The following ZNF621 variants were observed in gnomAD, a reference collection of about 807,000 sequenced individuals.
The protein encoded by ZNF621 is zinc finger protein 621.
Under a neutral mutation model 12.7 loss-of-function variants are expected in ZNF621, and 6 were observed. The ratio of observed to expected loss-of-function variants is 0.47; its 90% CI spans 0.26 to 0.93. The LOEUF is 0.93. Ranked by LOEUF, ZNF621 falls within the 40% of genes least tolerant of loss-of-function variation. The pLI is 0.15. For missense variants in ZNF621, 474 were observed against 524.0 expected (o/e 0.90, Z 0.93); for synonymous variants, 156 against 190.3 (o/e 0.82, Z 1.48).
rs1698902996 is a variant in ZNF621 at position 40,537,712 on chromosome 3, T to C, written c.*4622T>C. 6.2e-6 allele frequency: 1 copy of C among 161,192 alleles called. No homozygotes were observed. Among genetic ancestry groups the C allele is most frequent in the Non-Finnish European group, 1.3e-5 (1 of 74,790 alleles). 10.0% of individuals were successfully genotyped at this position (161,192 alleles called of 1,614,324 possible). ...TCCAGAGCAAGGCCATAACTGCCATTGTATGAAGGCTGAGAGAAGTGAGGA... is the reference window on the plus strand; with the variant it reads ...TCCAGAGCAAGGCCATAACTGCCATCGTATGAAGGCTGAGAGAAGTGAGGA... On this transcript the variant is annotated 3_prime_UTR_variant, in exon 5 of 5. Transcript: ENST00000339296.
chr3:40,524,548 C>T (rs1698529815), upstream of ZNF621, among the ~76,000 whole-genome samples: 1 of 152,200 alleles, frequency 6.6e-6, no homozygotes, highest in Non-Finnish European at 1.5e-5. Flanking sequence ...AGCTGAGGAC[C>T]CAAGCAAGAT....
rs1045995791 is a variant in ZNF621, at chr3:40,537,033, C to T, written c.*3943C>T. The T allele has an allele frequency of 6.6e-6, 1 of 152,204 alleles. No homozygotes were observed. The highest frequency in any genetic ancestry group is 2.4e-5 in the African/African-American group (1 of 41,430). 9.4% of individuals were successfully genotyped at this position (152,204 alleles called of 1,614,324 possible). ...CTAACTGATGGTTCCCCATCTCTCT[C>T]CCTCTCCTCAGACCTCACTATTCTC... On this transcript the variant is annotated 3_prime_UTR_variant, in exon 5 of 5. Transcript: ENST00000339296.
rs1698808782 is a variant in ZNF621 at position 40,534,284 on chromosome 3, TG to T, written c.*1197del. 2 of 151,900 alleles carry T rather than the reference TG, an allele frequency of 1.3e-5. No individual in the cohort carries two copies. The highest frequency in any genetic ancestry group is 4.8e-5 in the African/African-American group (2 of 41,342). The allele number at this position is 151,900 out of a possible 1,614,324, so 9.4% of individuals were successfully genotyped here. ...TTAAGAAATAAAGGGAGCTGTGTAG[TG>T]GGTCAGTGGCTAGGTAGGTTAGTGA... On this transcript the variant is annotated 3_prime_UTR_variant, in exon 5 of 5. Coordinates refer to ENST00000339296, the MANE Select transcript of ZNF621 (RefSeq NM_198484.5).
chr3:40,529,258 A>G (rs1698660074), intron 2 of ZNF621, 61 bp from the exon 3 acceptor site: 1 of 1,584,562 alleles, frequency 6.3e-7, no homozygotes, highest in Admixed American at 1.7e-5. Flanking sequence ...CTGAAGCTCA[A>G]GCTGCTCCCT....
upstream of ZNF621, among the ~76,000 whole-genome samples, chr3:40,523,496 G>A (rs2125669393): frequency 6.6e-6 from 1 of 152,286 alleles, no homozygotes; most frequent in South Asian, 2.1e-4. Flanking sequence ...CGGGCGCGGT[G>A]GCTCACGCCT....
At position 40,532,580 on chromosome 3, in the gene ZNF621, A is replaced by C. The variant is rs61740750; in HGVS notation, c.810A>C (p.Lys270Asn). The change falls in exon 5 of 5, where the codon AAA becomes AAC. Residue 270 changes from lysine (K) to asparagine (N), a missense_variant. By Grantham distance (94) the Lys-to-Asn change is moderately conservative. Coordinates refer to ENST00000339296, the MANE Select transcript of ZNF621 (RefSeq NM_198484.5). ...TCTATAAATGTAAGGAATGTTGGAA[A>C]GCTTTCGGTTGTAGGTCACTTTTTA... ...EKLYKCKECW[K>N]AFGCRSLFIV... The C allele has an allele frequency of 4.3e-6, 7 of 1,614,164 alleles. No homozygotes were observed. The highest frequency in any genetic ancestry group is 5.9e-6 in the Non-Finnish European group (7 of 1,180,028).
intron 4 of ZNF621, 104 bp from the exon 5 acceptor site, chr3:40,531,926 C>T: frequency 1.9e-6 from 2 of 1,077,746 alleles, no homozygotes; most frequent in Non-Finnish European, 2.7e-6. Context: ...AACCATTTCA[C>T]AGGTATCTTT....
chr3:40,529,843 G>A (rs953570520), intron 3 of ZNF621, among the ~76,000 whole-genome samples: 15 of 152,144 alleles, frequency 9.9e-5, no homozygotes, highest in Non-Finnish European at 1.0e-4. Context: ...GTGGTCCTGG[G>A]CCCTGAGGGA....
rs1698825351 is a variant in ZNF621, at chr3:40,534,860, C to T, written c.*1770C>T. On this transcript the variant is annotated 3_prime_UTR_variant, in exon 5 of 5. Transcript: ENST00000339296. The stretch of plus-strand genomic sequence containing the variant: ...ATGCAGTTCTTTGCCTTCTCTGTTC[C>T]TGCACCAAAAATGATCAGGAGAAAG... 6.6e-6 allele frequency: 1 copy of T among 152,188 alleles called. No homozygotes were observed. Among genetic ancestry groups the T allele is most frequent in the Non-Finnish European group, 1.5e-5 (1 of 68,042 alleles). The allele number at this position is 152,188 out of a possible 1,614,324, so 9.4% of individuals were successfully genotyped here.
chr3:40,524,642 G>A (rs1698531548), upstream of ZNF621, among the ~76,000 whole-genome samples: 1 of 152,198 alleles, frequency 6.6e-6, no homozygotes, highest in African/African-American at 2.4e-5. Flanking sequence ...TGAGCCACGG[G>A]GCCAAGGCGG....
intron 2 of ZNF621, among the ~76,000 whole-genome samples, chr3:40,527,890 G>A (rs1056459199): frequency 6.6e-6 from 1 of 152,124 alleles, no homozygotes; most frequent in African/African-American, 2.4e-5. Flanking sequence ...ACAAAATTGG[G>A]CAGAAAGCAA....
intron 2 of ZNF621, among the ~76,000 whole-genome samples, chr3:40,528,011 A>G (rs1287336843): frequency 6.6e-6 from 1 of 152,202 alleles, no homozygotes; most frequent in Non-Finnish European, 1.5e-5. Flanking sequence ...CTAACACATC[A>G]TTGTCATCCA....
rs1040268716 is a variant in ZNF621, at chr3:40,533,228, C to T, written c.*138C>T. 21 of 1,373,330 alleles carry T rather than the reference C, an allele frequency of 1.5e-5. No individual in the cohort carries two copies. Among genetic ancestry groups the T allele is most frequent in the African/African-American group, 2.9e-5 (2 of 68,538 alleles). 85.1% of individuals were successfully genotyped at this position (1,373,330 alleles called of 1,614,324 possible). ...TGATCTTGGCTCACTGCAACCTCCCCCTCCTGGGTTCAAGCGATTCTCCTC... is the reference window on the plus strand; with the variant it reads ...TGATCTTGGCTCACTGCAACCTCCCTCTCCTGGGTTCAAGCGATTCTCCTC... On this transcript the variant is annotated 3_prime_UTR_variant, in exon 5 of 5. Coordinates refer to ENST00000339296, the MANE Select transcript of ZNF621 (RefSeq NM_198484.5).
At chr3:40,529,773 C>T (rs773978076) in intron 3 of ZNF621, among the ~76,000 whole-genome samples, 2 of 152,136 alleles carry the variant, frequency 1.3e-5, no homozygotes, top group Admixed American at 6.5e-5. Flanking sequence ...TAGGCGTGTG[C>T]CACTGTGCCT....
chr3:40,529,481 G>A (rs760730723), intron 3 of ZNF621, 36 bp downstream of exon 3: 31 of 1,610,238 alleles, frequency 1.9e-5, no homozygotes, highest in Non-Finnish European at 2.5e-5. Context: ...GTAACAGTTT[G>A]CTATCTTCCT....
At chr3:40,531,565 A>G (rs950296988) in intron 4 of ZNF621, among the ~76,000 whole-genome samples, 2 of 151,280 alleles carry the variant, frequency 1.3e-5, no homozygotes, top group Non-Finnish European at 2.9e-5. Flanking sequence ...CTATGTCATT[A>G]TTTTTCTATT....
rs199508193 is a variant in ZNF621 at position 40,532,123 on chromosome 3, T to G, written c.353T>G (p.Leu118Arg). 1.2e-6 allele frequency: 2 copies of G among 1,614,162 alleles called. No homozygotes were observed. Among genetic ancestry groups the G allele is most frequent in the South Asian group, 1.1e-5 (1 of 91,086 alleles). Residue 118 changes from leucine to arginine, a missense_variant, in exon 5 of 5, where the codon CTC becomes CGC. Coordinates refer to ENST00000339296, the MANE Select transcript of ZNF621 (RefSeq NM_198484.5). ...ELHRMPVGGL[L>R]RNVSQHFDFK... ...CACAGAATGCCAGTAGGAGGACTTC[T>G]CAGGAACGTTTCTCAGCACTTTGAT...
Position 40,532,608 on chromosome 3 carries a change from G to T in ZNF621, c.838G>T (p.Val280Phe). The T allele has an allele frequency of 6.2e-7, 1 of 1,613,844 alleles. No individual in the cohort carries two copies. The highest frequency in any genetic ancestry group is 2.2e-5 in the East Asian group (1 of 44,838). The part of the protein sequence containing the change: ...KAFGCRSLFI[V>F]HQRIHTGEKP... Reference sequence around the variant, plus strand: ...TTTCGGTTGTAGGTCACTTTTTATTGTCCATCAGAGAATTCATACTGGGGA... The same window carrying T: ...TTTCGGTTGTAGGTCACTTTTTATTTTCCATCAGAGAATTCATACTGGGGA... Residue 280 changes from valine to phenylalanine, a missense_variant, in exon 5 of 5, where the codon GTC becomes TTC. Coordinates refer to ENST00000339296, the MANE Select transcript of ZNF621 (RefSeq NM_198484.5).
chr3:40,527,271 C>G (rs1253158475), intron 2 of ZNF621, among the ~76,000 whole-genome samples: 1 of 152,126 alleles, frequency 6.6e-6, no homozygotes, highest in Non-Finnish European at 1.5e-5. Context: ...CCTGCCTCAG[C>G]CTCCCAAAGT....
Sources: allele counts gnomAD v4.1 joint callset (sites outside exome capture counted in the v4.1 genomes callset), GRCh38; gene constraint gnomAD v4.1.1; transcripts MANE v1.5; gene names NCBI Gene and HGNC (gene_info 2026-07-23, HGNC 2026-07-21).